The following LRRC8D variants were observed in gnomAD, a reference collection of about 807,000 sequenced individuals.
LRRC8D encodes the protein volume-regulated anion channel subunit LRRC8D.
A neutral mutation model predicts 55.8 loss-of-function variants in LRRC8D; 20 were observed. That is an observed-to-expected ratio of 0.36 (90% confidence interval 0.25 to 0.52). The LOEUF (loss-of-function observed/expected upper bound fraction) is 0.52, where lower values mean the gene tolerates loss of function less well. Ranked by LOEUF, LRRC8D falls within the 20% of genes least tolerant of loss-of-function variation. The pLI is 0.93. For synonymous variants in LRRC8D, 352 were observed against 377.0 expected, an observed-to-expected ratio of 0.93 and a Z score of 0.77; for missense variants, 651 against 1,030.8, an observed-to-expected ratio of 0.63 and a Z score of 5.05.
intron 2 of LRRC8D, among the ~76,000 whole-genome samples, chr1:89,867,152 A>G (rs565535352): frequency 6.6e-5 from 10 of 152,280 alleles, no homozygotes; most frequent in African/African-American, 2.4e-4. Flanking sequence ...CTCTGTCCCC[A>G]GTTAACATCA....
intron 2 of LRRC8D, among the ~76,000 whole-genome samples, chr1:89,882,475 G>A (rs1166683578): frequency 6.6e-6 from 1 of 152,182 alleles, no homozygotes; most frequent in East Asian, 1.9e-4. Flanking sequence ...CACTGCAGGC[G>A]CTGTGAGTCC....
intron 2 of LRRC8D, among the ~76,000 whole-genome samples, chr1:89,880,875 A>G (rs1234321279): frequency 6.6e-6 from 1 of 152,166 alleles, no homozygotes; most frequent in East Asian, 1.9e-4. Context: ...AATACAGTGT[A>G]CATATTACAT....
intron 2 of LRRC8D, among the ~76,000 whole-genome samples, chr1:89,906,865 A>G (rs1169509827): frequency 4.0e-5 from 6 of 151,860 alleles, no homozygotes; most frequent in Admixed American, 3.9e-4. Flanking sequence ...CAGGCTGCAT[A>G]TAGTTTGCTT....
At chr1:89,843,600 T>TG in intron 1 of LRRC8D, 38 bp from the exon 2 acceptor site, 1 of 689,600 alleles carries the variant, frequency 1.5e-6, no homozygotes, top group Non-Finnish European at 2.6e-6. Flanking sequence ...GACACTTGGA[T>TG]CTCTCTAGCT....
chr1:89,853,075 A>G (rs1048270711), intron 2 of LRRC8D, among the ~76,000 whole-genome samples: 4 of 152,230 alleles, frequency 2.6e-5, no homozygotes, highest in South Asian at 2.1e-4. Context: ...ATCCAGGCAG[A>G]CATCATGAGG....
At position 89,934,144 on chromosome 1, in the gene LRRC8D, C is replaced by T. The variant is rs1663779018; in HGVS notation, c.1076C>T (p.Ala359Val). ...GTATTTGAGTGCACCCACAATATGG[C>T]TTACATGTTGAAAAAGCTTCTCATC... ...YEVFECTHNM[A>V]YMLKKLLISY... The change falls in exon 3 of 3, where the codon GCT (alanine) becomes GTT (valine). Residue 359 changes from alanine (A) to valine (V), a missense_variant. Ala to Val is a moderately conservative substitution (Grantham distance 64). Around this residue, in one of 5 missense-constraint regions of LRRC8D, gnomAD observed 178 missense variants for 374.9 expected, o/e 0.47. Transcript: ENST00000337338. This position sits in a 1 kb window ranked among gnomAD's most constrained non-coding sequence, Gnocchi z 5.9. 1 of 1,614,020 alleles carries T rather than the reference C, an allele frequency of 6.2e-7. No individual in the cohort carries two copies. Among genetic ancestry groups the T allele is most frequent in the Non-Finnish European group, 8.5e-7 (1 of 1,180,020 alleles).
chr1:89,868,909 G>GT (rs1661922993), intron 2 of LRRC8D, among the ~76,000 whole-genome samples: 2 of 151,820 alleles, frequency 1.3e-5, no homozygotes. Context: ...TTTTTGTTTT[G>GT]TTTTGTTTTG....
At chr1:89,921,090 G>A (rs1019943322) in intron 2 of LRRC8D, among the ~76,000 whole-genome samples, 16 of 152,210 alleles carry the variant, frequency 1.1e-4, no homozygotes, top group South Asian at 2.1e-4. Flanking sequence ...CAGGCCAGAT[G>A]TGGTGGCTCA....
intron 2 of LRRC8D, among the ~76,000 whole-genome samples, chr1:89,854,736 A>G (rs1045984357): frequency 2.0e-5 from 3 of 152,200 alleles, no homozygotes; most frequent in Non-Finnish European, 4.4e-5. Context: ...CTTATCATTT[A>G]TGGGTTCTTC....
intron 2 of LRRC8D, among the ~76,000 whole-genome samples, chr1:89,893,637 G>A (rs944554108): frequency 6.6e-6 from 1 of 152,046 alleles, no homozygotes; most frequent in Non-Finnish European, 1.5e-5. Context: ...ATATTGTAAT[G>A]GGACATACGT....
rs550379493 is a variant in LRRC8D, at chr1:89,821,042, G to C, written c.-397G>C. 1.3e-5 allele frequency: 2 copies of C among 150,746 alleles called. No homozygotes were observed. Among genetic ancestry groups the C allele is most frequent in the African/African-American group, 4.9e-5 (2 of 40,800 alleles). 9.3% of individuals were successfully genotyped at this position (150,746 alleles called of 1,614,324 possible). The stretch of plus-strand genomic sequence containing the variant: ...TGTTACGCTTTGTCTAATTCCCCTC[G>C]TTACAGAGTCATGTGCTGCTGCTCC... On this transcript the variant is annotated 5_prime_UTR_variant, in exon 1 of 3. Transcript: ENST00000337338.
chr1:89,917,790 A>G (rs979313495), intron 2 of LRRC8D, among the ~76,000 whole-genome samples: 2 of 152,166 alleles, frequency 1.3e-5, no homozygotes, highest in East Asian at 1.9e-4. Flanking sequence ...AGATACAAAT[A>G]TGAGTATAGG....
chr1:89,850,956 A>G lies in LRRC8D; in HGVS notation c.-3+7174A>G, dbSNP rs572296443. ...ACACATTTTCTAAAAACACATTTCT[A>G]AAAGACACATTTTTCTAGAAATGTG... On this transcript the variant is annotated intron_variant, in intron 2 of 2. Transcript: ENST00000337338. 2.2e-3 allele frequency among the ~76,000 whole-genome samples: 337 copies of G among 152,322 alleles called. 2 individuals are homozygous for G. The highest frequency in any genetic ancestry group is 7.6e-3 in the African/African-American group (314 of 41,578).
At chr1:89,857,967 G>A (rs559006682) in intron 2 of LRRC8D, among the ~76,000 whole-genome samples, 2 of 152,306 alleles carry the variant, frequency 1.3e-5, no homozygotes, top group African/African-American at 2.4e-5. Context: ...GGTGGCACAC[G>A]CCTGTAATCA....
At chr1:89,905,813 A>G (rs1662973914) in intron 2 of LRRC8D, among the ~76,000 whole-genome samples, 1 of 152,192 alleles carries the variant, frequency 6.6e-6, no homozygotes, top group Admixed American at 6.5e-5. Context: ...AAAGAGGACG[A>G]AGAGGAGGAA....
In LRRC8D at chr1:89,843,695, C is replaced by T. The variant is rs1293950143; in HGVS notation, c.-90C>T. On this transcript the variant is annotated 5_prime_UTR_variant, in exon 2 of 3. Transcript: ENST00000337338. ...GTCTCAGGATGGAGGAGTGAAGTCTCCTGTCGCCGTGGTTCCAGCCTCCGG... is the reference window on the plus strand; with the variant it reads ...GTCTCAGGATGGAGGAGTGAAGTCTTCTGTCGCCGTGGTTCCAGCCTCCGG... 1.6e-5 allele frequency: 11 copies of T among 701,946 alleles called. No homozygotes were observed. Among genetic ancestry groups the T allele is most frequent in the Non-Finnish European group, 2.9e-5 (11 of 384,734 alleles). 43.5% of individuals were successfully genotyped at this position (701,946 alleles called of 1,614,324 possible).
In LRRC8D at chr1:89,935,830, C is replaced by A. The variant is rs557420595; in HGVS notation, c.*185C>A. The A allele has an allele frequency of 4.2e-6, 2 of 476,532 alleles. No individual in the cohort carries two copies. Among genetic ancestry groups the A allele is most frequent in the Non-Finnish European group, 7.3e-6 (2 of 273,590 alleles). The allele number at this position is 476,532 out of a possible 1,614,324, so 29.5% of individuals were successfully genotyped here. A position where few individuals can be genotyped will look rare whatever the true frequency, so the allele number is the denominator to read the frequency against. ...GTTCAATGTTTGTAGGGTTTTAAGT[C>A]ATTCATTTCCAAATCATTTTTTTTT... On this transcript the variant is annotated 3_prime_UTR_variant, in exon 3 of 3. Transcript: ENST00000337338.
intron 2 of LRRC8D, among the ~76,000 whole-genome samples, chr1:89,855,334 C>T (rs1661527269): frequency 6.6e-6 from 1 of 152,174 alleles, no homozygotes; most frequent in Non-Finnish European, 1.5e-5. Flanking sequence ...TCTGAGCCCC[C>T]TTTTAAGAAC....
chr1:89,902,041 A>G (rs998800390), intron 2 of LRRC8D, among the ~76,000 whole-genome samples: 2 of 152,384 alleles, frequency 1.3e-5, no homozygotes, highest in South Asian at 2.1e-4. Flanking sequence ...GAGCATCTCC[A>G]TGCTGGGGGC....
Sources: allele counts gnomAD v4.1 joint callset (sites outside exome capture counted in the v4.1 genomes callset), GRCh38; gene constraint gnomAD v4.1.1; regional missense constraint gnomAD v4.1.1; non-coding constraint Gnocchi (gnomAD v3.1); transcripts MANE v1.5; gene names NCBI Gene and HGNC (gene_info 2026-07-23, HGNC 2026-07-21).